CTXND1: variants seen among roughly 807,000 people sequenced by gnomAD.
CTXND1 encodes cortexin domain-containing 1 protein.
chr15:80,204,211 TACACACATGCAC>T (rs1233074450), intron 1 of CTXND1, among the ~76,000 whole-genome samples: 3 of 89,228 alleles, frequency 3.4e-5, no homozygotes, highest in Admixed American at 2.8e-4. Context: ...CACAAACACA[TACACACATGCAC>T]ACACACATAT....
intron 1 of CTXND1, among the ~76,000 whole-genome samples, chr15:80,232,941 C>CT (rs71455324): frequency 0.12 from 15,096 of 123,138 alleles, 1,638 homozygotes; most frequent in African/African-American, 0.25. Context: ...ATGCAACTTC[C>CT]TTTTTTTTTT....
intron 1 of CTXND1, among the ~76,000 whole-genome samples, chr15:80,209,620 C>G (rs1464337152): frequency 1.3e-5 from 2 of 152,196 alleles, no homozygotes. Flanking sequence ...GGAAAAGAGT[C>G]CTGCCAAATG....
chr15:80,233,487 T>A (rs1893455860), intron 1 of CTXND1, among the ~76,000 whole-genome samples: 1 of 152,170 alleles, frequency 6.6e-6, no homozygotes, highest in Non-Finnish European at 1.5e-5. Flanking sequence ...GATGCTCCTG[T>A]CCTTCAGGCT....
Position 80,196,389 on chromosome 15 carries a change from T to C in CTXND1, c.*5381A>G, listed in dbSNP as rs2041420544. The C allele has an allele frequency of 2.0e-5, 3 of 152,174 alleles. No individual in the cohort carries two copies. The highest frequency in any genetic ancestry group is 4.4e-5 in the Non-Finnish European group (3 of 68,044). The allele number at this position is 152,174 out of a possible 1,614,324, so 9.4% of individuals were successfully genotyped here. On this transcript the variant is annotated 3_prime_UTR_variant, in exon 3 of 3. Transcript: ENST00000560778. ...TGAAGATTTGGGTCATTCCACCAGA[T>C]AAAATTCTCCAACAGCTAAGGGACT...
intron 1 of CTXND1, among the ~76,000 whole-genome samples, chr15:80,242,883 G>T (rs1220774749): frequency 6.6e-6 from 1 of 152,092 alleles, no homozygotes; most frequent in East Asian, 1.9e-4. Flanking sequence ...GATGTCATCT[G>T]CCCAGCCCCT....
chr15:80,236,840 C>A (rs1893504101), intron 1 of CTXND1, among the ~76,000 whole-genome samples: 1 of 151,478 alleles, frequency 6.6e-6, no homozygotes, highest in Non-Finnish European at 1.5e-5. Context: ...TGCTTAGTGG[C>A]ATGGTAGCCC....
intron 1 of CTXND1, among the ~76,000 whole-genome samples, chr15:80,230,758 A>C (rs111795051): frequency 0.014 from 2,148 of 152,306 alleles, 21 homozygotes; most frequent in Middle Eastern, 0.024. Flanking sequence ...GGTATTTAAA[A>C]GTGTGTTGCT....
At chr15:80,239,416 A>G (rs923735738) in intron 1 of CTXND1, among the ~76,000 whole-genome samples, 2 of 152,248 alleles carry the variant, frequency 1.3e-5, no homozygotes, top group East Asian at 3.8e-4. Context: ...CATTTGAGTC[A>G]GTGGGCTGGG....
rs1011877300 is a variant in CTXND1, at chr15:80,208,813, G to A, written c.-217-5073C>T. Reference sequence around the variant, plus strand: ...AGGGGGAGGAGGACTTTTGCTCAGAGTCTCAGAGCAATAACACAGCAGAAT... The same window carrying A: ...AGGGGGAGGAGGACTTTTGCTCAGAATCTCAGAGCAATAACACAGCAGAAT... On this transcript the variant is annotated intron_variant, in intron 1 of 2. Transcript: ENST00000560778. Among the ~76,000 whole-genome samples the A allele has an allele frequency of 2.6e-5, 4 of 152,176 alleles. No homozygotes were observed. The South Asian group carries it at 8.3e-4, about 32-fold the overall frequency.
intron 1 of CTXND1, among the ~76,000 whole-genome samples, chr15:80,216,239 A>G (rs929058581): frequency 6.6e-6 from 1 of 152,188 alleles, no homozygotes; most frequent in Non-Finnish European, 1.5e-5. Flanking sequence ...TGCTGGACAT[A>G]TGGCAAAAGG....
intron 1 of CTXND1, 29 bp downstream of exon 1, chr15:80,251,977 CG>C (rs1393994560): frequency 2.0e-5 from 3 of 151,788 alleles, no homozygotes; most frequent in Non-Finnish European, 4.4e-5. Flanking sequence ...GCCGCGGCAG[CG>C]GGTCCCGGGA....
Position 80,247,473 on chromosome 15 carries a change from A to G in CTXND1, c.-218+4534T>C, listed in dbSNP as rs542474169. ...GACAGATGAAGAATGCCTCTTCTGA[A>G]TTGCAGGGGTTGGGTGCTCCTGGGG... On this transcript the variant is annotated intron_variant, in intron 1 of 2. Transcript: ENST00000560778. Among the ~76,000 whole-genome samples, 4 of 151,520 alleles carry G rather than the reference A, an allele frequency of 2.6e-5. No homozygotes were observed. The South Asian group carries it at 8.4e-4, about 32-fold the overall frequency.
In CTXND1 at chr15:80,201,980, T is replaced by C. The variant is rs140114757; in HGVS notation, c.-31A>G. ...GGCAGCGACTGCGGGCTGCTCCTCC[T>C]CCGCCTCGGGTTTGACTGGTACCAT... is the stretch of plus-strand genomic sequence containing the variant. On this transcript the variant is annotated 5_prime_UTR_variant, in exon 3 of 3. Transcript: ENST00000560778. 663 of 399,082 alleles carry C rather than the reference T, an allele frequency of 1.7e-3. 6 individuals are homozygous for C. The highest frequency in any genetic ancestry group is 0.013 in the African/African-American group (615 of 48,754). 24.7% of individuals were successfully genotyped at this position (399,082 alleles called of 1,614,324 possible).
chr15:80,248,324 G>T (rs1002800453), intron 1 of CTXND1, among the ~76,000 whole-genome samples: 1 of 152,226 alleles, frequency 6.6e-6, no homozygotes, highest in Non-Finnish European at 1.5e-5. Flanking sequence ...GAATCTTGGG[G>T]CAGGTTTGCC....
rs1009677597 is a variant in CTXND1, at chr15:80,200,109, G to C, written c.*1661C>G. Reference sequence around the variant, plus strand: ...AGTGTTCCTCTGACCAAGTGGTTCCGGCTGGGAGATTTGGCCTGTAGGAAG... The same window carrying C: ...AGTGTTCCTCTGACCAAGTGGTTCCCGCTGGGAGATTTGGCCTGTAGGAAG... On this transcript the variant is annotated 3_prime_UTR_variant, in exon 3 of 3. Coordinates refer to ENST00000560778, the MANE Select transcript of CTXND1 (RefSeq NM_001352888.2). 6.6e-6 allele frequency: 1 copy of C among 152,210 alleles called. No homozygotes were observed. Among genetic ancestry groups the C allele is most frequent in the Non-Finnish European group, 1.5e-5 (1 of 68,126 alleles). The allele number at this position is 152,210 out of a possible 1,614,324, so 9.4% of individuals were successfully genotyped here.
At chr15:80,239,088 A>G (rs1273596083) in intron 1 of CTXND1, among the ~76,000 whole-genome samples, 1 of 152,216 alleles carries the variant, frequency 6.6e-6, no homozygotes, top group Admixed American at 6.5e-5. Context: ...AGAGCAGCAC[A>G]GTGTCAGAGC....
intron 1 of CTXND1, among the ~76,000 whole-genome samples, chr15:80,248,880 A>T (rs1893663371): frequency 6.6e-6 from 1 of 152,088 alleles, no homozygotes; most frequent in Admixed American, 6.6e-5. Context: ...ATTGTATTTT[A>T]ATTACCCATG....
chr15:80,249,991 T>C (rs1467577675), intron 1 of CTXND1, among the ~76,000 whole-genome samples: 2 of 152,256 alleles, frequency 1.3e-5, no homozygotes, highest in Non-Finnish European at 1.5e-5. Context: ...CTAGGAACCA[T>C]GTCAGTTTTA....
chr15:80,242,471 G>A (rs1027617556), intron 1 of CTXND1, among the ~76,000 whole-genome samples: 1 of 152,164 alleles, frequency 6.6e-6, no homozygotes, highest in Non-Finnish European at 1.5e-5. Flanking sequence ...TCTAGATTGG[G>A]GTATCACAGG....
Sources: allele counts gnomAD v4.1 joint callset (sites outside exome capture counted in the v4.1 genomes callset), GRCh38; gene constraint gnomAD v4.1.1; transcripts MANE v1.5; gene names NCBI Gene and HGNC (gene_info 2026-07-23, HGNC 2026-07-21).